CLVS2: variants seen among roughly 807,000 people sequenced by gnomAD.
The protein encoded by CLVS2 is clavesin-2.
Under a neutral mutation model 29.0 loss-of-function variants are expected in CLVS2, and 19 were observed. The observed-to-expected ratio is 0.66, with a 90% confidence interval of 0.46 to 0.96. CLVS2 has a LOEUF of 0.96. CLVS2 is among the 40% of genes least tolerant of loss of function. CLVS2 has a pLI of 0.00. For missense variants in CLVS2, 294 were observed against 404.1 expected (o/e 0.73, Z 2.34); for synonymous variants, 161 against 151.3 (o/e 1.06, Z -0.47).
intron 5 of CLVS2, among the ~76,000 whole-genome samples, chr6:123,058,026 A>G (rs1426188881): frequency 2.0e-5 from 3 of 152,212 alleles, no homozygotes. Context: ...GAAAGTTTTT[A>G]AAAACAAAAG....
intron 2 of CLVS2, among the ~76,000 whole-genome samples, chr6:123,002,326 G>A (rs1232339283): frequency 2.0e-5 from 3 of 152,240 alleles, no homozygotes; most frequent in East Asian, 3.9e-4. Context: ...AACTTATCCT[G>A]GAATTTGCCC....
At chr6:123,015,796 T>G (rs1774823739) in intron 3 of CLVS2, among the ~76,000 whole-genome samples, 1 of 151,970 alleles carries the variant, frequency 6.6e-6, no homozygotes, top group African/African-American at 2.4e-5. Context: ...GCCTCCCAGT[T>G]CTCTAGGATA....
intron 5 of CLVS2, 56 bp downstream of exon 5, chr6:123,056,082 G>C (rs1447511704): frequency 1.4e-5 from 16 of 1,173,352 alleles, no homozygotes; most frequent in Non-Finnish European, 2.0e-5. Context: ...GAGGCATCCT[G>C]AGTCAAACTC....
intron 2 of CLVS2, among the ~76,000 whole-genome samples, chr6:123,001,057 C>A (rs1774582227): frequency 6.6e-6 from 1 of 152,140 alleles, no homozygotes; most frequent in African/African-American, 2.4e-5. Context: ...TTTAGTACGG[C>A]ACTTGAACTA....
chr6:123,025,223 G>A (rs1774984207), intron 3 of CLVS2, among the ~76,000 whole-genome samples: 1 of 152,058 alleles, frequency 6.6e-6, no homozygotes, highest in African/African-American at 2.4e-5. Flanking sequence ...CGGGGACCTG[G>A]AAAGCCGTTA....
At chr6:123,041,213 C>T (rs900654095) in intron 3 of CLVS2, among the ~76,000 whole-genome samples, 7 of 151,980 alleles carry the variant, frequency 4.6e-5, no homozygotes, top group Admixed American at 6.6e-5. Flanking sequence ...GGGAAAATTC[C>T]TTCCAGTCAT....
At chr6:123,042,719 C>T (rs559308083) in intron 3 of CLVS2, among the ~76,000 whole-genome samples, 3 of 152,198 alleles carry the variant, frequency 2.0e-5, no homozygotes, top group East Asian at 1.9e-4. Flanking sequence ...TCTTTGCTTT[C>T]GTCAGGAAGG....
intron 2 of CLVS2, among the ~76,000 whole-genome samples, chr6:123,008,699 T>G (rs1000788830): frequency 7.5e-5 from 11 of 146,254 alleles, no homozygotes; most frequent in East Asian, 2.0e-4. Context: ...TTTTTTTTGG[T>G]GGGGGTCTGA....
In CLVS2 at chr6:123,064,578, T is replaced by C. The variant is rs1007387075; in HGVS notation, c.*817T>C. The C allele has an allele frequency of 6.6e-6, 1 of 151,930 alleles. No individual in the cohort carries two copies. Among genetic ancestry groups the C allele is most frequent in the African/African-American group, 2.4e-5 (1 of 41,428 alleles). 9.4% of individuals were successfully genotyped at this position (151,930 alleles called of 1,614,324 possible). A position where few individuals can be genotyped will look rare whatever the true frequency, so the allele number is the denominator to read the frequency against. On this transcript the variant is annotated 3_prime_UTR_variant, in exon 6 of 6. Transcript: ENST00000275162. Reference sequence around the variant, plus strand: ...CTTTGACTAAGAGAATGAGAACTCATGTGAACAGTGTTCTGACAGCTAATT... The same window carrying C: ...CTTTGACTAAGAGAATGAGAACTCACGTGAACAGTGTTCTGACAGCTAATT...
intron 2 of CLVS2, among the ~76,000 whole-genome samples, chr6:123,007,466 A>G (rs1241865304): frequency 6.6e-6 from 1 of 152,202 alleles, no homozygotes; most frequent in African/African-American, 2.4e-5. Flanking sequence ...ACATGCCCCA[A>G]ATAATTAATT....
rs1180786371 is a variant in CLVS2 at position 123,066,355 on chromosome 6, C to G, written c.*2594C>G. The G allele has an allele frequency of 2.0e-5, 3 of 150,720 alleles. No homozygotes were observed. The highest frequency in any genetic ancestry group is 4.4e-5 in the Non-Finnish European group (3 of 67,434). 9.3% of individuals were successfully genotyped at this position (150,720 alleles called of 1,614,324 possible). Reference sequence around the variant, plus strand: ...GTATACCTCCACTCTCTCTCTCTCTCTCATACACACACACACACACACTCT... The same window carrying G: ...GTATACCTCCACTCTCTCTCTCTCTGTCATACACACACACACACACACTCT... On this transcript the variant is annotated 3_prime_UTR_variant, in exon 6 of 6. Coordinates refer to ENST00000275162, the MANE Select transcript of CLVS2 (RefSeq NM_001010852.4).
intron 3 of CLVS2, among the ~76,000 whole-genome samples, chr6:123,040,478 C>T (rs1477219940): frequency 2.6e-5 from 4 of 152,140 alleles, no homozygotes; most frequent in Non-Finnish European, 4.4e-5. Flanking sequence ...TTGTGTTCTC[C>T]CCGCCATGGA....
chr6:123,038,680 A>G (rs1475749920), intron 3 of CLVS2, among the ~76,000 whole-genome samples: 1 of 152,100 alleles, frequency 6.6e-6, no homozygotes, highest in Non-Finnish European at 1.5e-5. Context: ...CTAATTTATT[A>G]ACCTAATATT....
intron 4 of CLVS2, among the ~76,000 whole-genome samples, chr6:123,052,875 T>A (rs1162424236): frequency 6.7e-6 from 1 of 149,686 alleles, no homozygotes. Context: ...AGAGTGGAAA[T>A]ACAGTTATGG....
intron 4 of CLVS2, 59 bp from the exon 5 acceptor site, chr6:123,055,747 T>C: frequency 8.3e-7 from 1 of 1,210,926 alleles, no homozygotes; most frequent in Non-Finnish European, 1.2e-6. Flanking sequence ...CTGTAGGATT[T>C]AGATGGTATT....
chr6:123,028,526 T>C (rs907384206), intron 3 of CLVS2, among the ~76,000 whole-genome samples: 1 of 152,166 alleles, frequency 6.6e-6, no homozygotes, highest in Non-Finnish European at 1.5e-5. Flanking sequence ...AACAAGGTCA[T>C]GCAGCTTTTG....
chr6:123,001,303 T>C (rs1006474254), intron 2 of CLVS2, among the ~76,000 whole-genome samples: 3 of 152,166 alleles, frequency 2.0e-5, no homozygotes, highest in African/African-American at 4.8e-5. Flanking sequence ...TTGTAAAGAA[T>C]TGGATGATTT....
At chr6:123,014,490 T>C (rs555491502) in intron 3 of CLVS2, among the ~76,000 whole-genome samples, 3 of 152,216 alleles carry the variant, frequency 2.0e-5, no homozygotes, top group African/African-American at 7.2e-5. Context: ...GAAAAGCTTC[T>C]AAAGGCAGAC....
intron 4 of CLVS2, among the ~76,000 whole-genome samples, chr6:123,049,041 G>A (rs1772564490): frequency 6.6e-6 from 1 of 152,134 alleles, no homozygotes; most frequent in Admixed American, 6.6e-5. Context: ...TGTTATTGAT[G>A]CACTTAATTT....
Sources: gnomAD v4.1 joint callset for allele counts (sites outside exome capture counted in the v4.1 genomes callset) on GRCh38, gnomAD v4.1.1 for gene constraint, MANE v1.5 for transcripts, NCBI Gene and HGNC (gene_info 2026-07-23, HGNC 2026-07-21) for gene names.